SERPINH1: variants seen among roughly 807,000 people sequenced by gnomAD.
SERPINH1 encodes the protein serpin family H member 1.
Under a neutral mutation model 32.3 loss-of-function variants are expected in SERPINH1, and 22 were observed. That is an observed-to-expected ratio of 0.68 (90% CI 0.49 to 0.97). The LOEUF (loss-of-function observed/expected upper bound fraction) is 0.97, where lower values mean the gene tolerates loss of function less well. Among genes scored for constraint, SERPINH1 ranks in the 50% least tolerant of loss-of-function variants. The pLI is 0.00. For missense variants in SERPINH1, 543 were observed against 576.4 expected (o/e 0.94, Z 0.59); for synonymous variants, 251 against 245.9 (o/e 1.02, Z -0.19).
chr11:75,567,284 T>C (rs1942107800), intron 2 of SERPINH1, among the ~76,000 whole-genome samples: 1 of 152,260 alleles, frequency 6.6e-6, no homozygotes, highest in Non-Finnish European at 1.5e-5. Flanking sequence ...CCATTCTGCC[T>C]CAGTAGTGAG....
intron 1 of SERPINH1, chr11:75,563,886 A>T (rs1942027445): frequency 6.6e-6 from 1 of 152,338 alleles, no homozygotes; most frequent in Admixed American, 6.6e-5. Context: ...TGGCTAGGTG[A>T]TCTTGTATTT....
At position 75,572,509 on chromosome 11, in the gene SERPINH1, A is replaced by G. The variant is rs1331981815; in HGVS notation, c.*426A>G. On this transcript the variant is annotated 3_prime_UTR_variant, in exon 5 of 5. Transcript: ENST00000358171. ...AGCTCTATCCCAACCTCTCCCAACT[A>G]TAAAACTAGGTGCTGCAGCCCCTGG... is the stretch of plus-strand genomic sequence containing the variant. 1 of 255,122 alleles carries G rather than the reference A, an allele frequency of 3.9e-6. No individual in the cohort carries two copies. Among genetic ancestry groups the G allele is most frequent in the African/African-American group, 2.2e-5 (1 of 45,246 alleles). The allele number at this position is 255,122 out of a possible 1,614,324, so 15.8% of individuals were successfully genotyped here.
In SERPINH1 at chr11:75,566,344, C is replaced by G; in HGVS notation, c.-6C>G. 6.2e-7 allele frequency: 1 copy of G among 1,606,994 alleles called. No individual in the cohort carries two copies. On this transcript the variant is annotated 5_prime_UTR_variant, in exon 2 of 5. Coordinates refer to ENST00000358171, the MANE Select transcript of SERPINH1 (RefSeq NM_001235.5). ...CACCGTGGTGCACGCAAACCACTTC[C>G]TGGCCATGCGCTCCCTCCTGCTTCT...
chr11:75,567,060 A>C, intron 2 of SERPINH1, 89 bp downstream of exon 2: 1 of 1,400,428 alleles, frequency 7.1e-7, no homozygotes, highest in South Asian at 1.4e-5. Flanking sequence ...TCCATTCTTC[A>C]CTGCCTCTCA....
chr11:75,562,491 G>C (rs1592196620), intron 1 of SERPINH1, 172 bp downstream of exon 1: 2 of 152,246 alleles, frequency 1.3e-5, no homozygotes, highest in East Asian at 3.9e-4. Context: ...GTTTGGAATC[G>C]AGAGCCCAGG....
At position 75,572,157 on chromosome 11, in the gene SERPINH1, G is replaced by A. The variant is rs116470636; in HGVS notation, c.*74G>A. On this transcript the variant is annotated 3_prime_UTR_variant, in exon 5 of 5. Coordinates refer to ENST00000358171, the MANE Select transcript of SERPINH1 (RefSeq NM_001235.5). ...GACACATGGGTGCTATTGGGGTTGG[G>A]GGGGAGGTGAGGTACCAGCCTTGGA... 2.3e-4 allele frequency: 341 copies of A among 1,480,452 alleles called. 2 individuals carry two copies. In the African/African-American group the frequency reaches 4.0e-3, roughly 17 times the overall value. The allele number at this position is 1,480,452 out of a possible 1,614,324, so 91.7% of individuals were successfully genotyped here.
Position 75,569,135 on chromosome 11 carries a change from G to A in SERPINH1, c.918G>A (p.Leu306=). Residue 306 remains leucine (L), a synonymous_variant, in exon 4 of 5, where the codon TTG becomes TTA. Coordinates refer to ENST00000358171, the MANE Select transcript of SERPINH1 (RefSeq NM_001235.5). Reference sequence around the variant, plus strand: ...AGAAGAAGGCTGTTGCCATCTCCTTGCCCAAGGGTGTGGTGGAGGTGACCC... The same window carrying A: ...AGAAGAAGGCTGTTGCCATCTCCTTACCCAAGGGTGTGGTGGAGGTGACCC... The part of the protein sequence containing the change: ...KMQKKAVAIS[L]PKGVVEVTHD... 1.9e-6 allele frequency: 3 copies of A among 1,613,324 alleles called. No homozygotes were observed. The highest frequency in any genetic ancestry group is 2.5e-6 in the Non-Finnish European group (3 of 1,179,602).
At chr11:75,570,398 C>T (rs1332181409) in intron 4 of SERPINH1, among the ~76,000 whole-genome samples, 1 of 152,176 alleles carries the variant, frequency 6.6e-6, no homozygotes, top group Non-Finnish European at 1.5e-5. Flanking sequence ...TCTCCTGGTC[C>T]TGGCCCTGAT....
At chr11:75,567,833 A>T (rs2135553366) in intron 2 of SERPINH1, 1 of 152,376 alleles carries the variant, frequency 6.6e-6, no homozygotes, top group Admixed American at 6.5e-5. Context: ...AGAATGAAGT[A>T]ACCCTCGTTT....
intron 1 of SERPINH1, chr11:75,562,865 A>G (rs1460390307): frequency 6.6e-6 from 1 of 152,138 alleles, no homozygotes; most frequent in African/African-American, 2.4e-5. Flanking sequence ...AAAGGAGGTG[A>G]AATCGTCTCG....
chr11:75,569,281 A>C (rs1942156540), intron 4 of SERPINH1, 110 bp downstream of exon 4: 2 of 782,588 alleles, frequency 2.6e-6, no homozygotes, highest in Non-Finnish European at 4.3e-6. Context: ...CTGGATGTCC[A>C]GGCAGTGCTG....
rs1942215594 is a variant in SERPINH1, at chr11:75,572,429, G to C, written c.*346G>C. On this transcript the variant is annotated 3_prime_UTR_variant, in exon 5 of 5. Coordinates refer to ENST00000358171, the MANE Select transcript of SERPINH1 (RefSeq NM_001235.5). The stretch of plus-strand genomic sequence containing the variant: ...CTTCTCACCTGTGAGACCAAATTGA[G>C]CTAGGGGGGTCAGCCAGCCCTCTTC... 1 of 372,088 alleles carries C rather than the reference G, an allele frequency of 2.7e-6. No homozygotes were observed. The highest frequency in any genetic ancestry group is 5.2e-6 in the Non-Finnish European group (1 of 193,332). The allele number at this position is 372,088 out of a possible 1,614,324, so 23.0% of individuals were successfully genotyped here.
rs1942213593 is a variant in SERPINH1 at position 75,572,320 on chromosome 11, G to A, written c.*237G>A. The A allele has an allele frequency of 6.8e-6, 4 of 591,860 alleles. No homozygotes were observed. In the South Asian group the frequency reaches 7.7e-5, roughly 11 times the overall value. The allele number at this position is 591,860 out of a possible 1,614,324, so 36.7% of individuals were successfully genotyped here. A position where few individuals can be genotyped will look rare whatever the true frequency, so the allele number is the denominator to read the frequency against. ...AGCCCGGAAACTCCACATCCTGTGG[G>A]ACCTGGGCCATAGTCATTCTGCCTG... On this transcript the variant is annotated 3_prime_UTR_variant, in exon 5 of 5. Transcript: ENST00000358171.
Position 75,571,998 on chromosome 11 carries a change from T to C in SERPINH1, c.1172T>C (p.Leu391Pro), listed in dbSNP as rs1251965369. ...TACGCCGACCACCCCTTCATCTTCC[T>C]AGTGCGGGACACCCAAAGCGGCTCC... ...LFYADHPFIF[L>P]VRDTQSGSLL... The change falls in exon 5 of 5, where the codon CTA becomes CCA. Residue 391 changes from leucine (L) to proline (P), a missense_variant. Leu to Pro is a moderately conservative substitution (Grantham distance 98). This residue lies in a region of SERPINH1 where 427 missense variants were observed against 446.4 expected (regional missense o/e 0.96). Coordinates refer to ENST00000358171, the MANE Select transcript of SERPINH1 (RefSeq NM_001235.5). The C allele has an allele frequency of 1.2e-6, 2 of 1,614,066 alleles. No individual in the cohort carries two copies. Among genetic ancestry groups the C allele is most frequent in the African/African-American group, 1.3e-5 (1 of 74,932 alleles).
In SERPINH1 at chr11:75,571,765, C is replaced by T. The variant is rs1457766589; in HGVS notation, c.955-16C>T. The T allele has an allele frequency of 1.2e-6, 2 of 1,612,536 alleles. No individual in the cohort carries two copies. The highest frequency in any genetic ancestry group is 1.1e-5 in the South Asian group (1 of 91,078). ...GCAGCCATGGCCTCACCTGGCACAC[C>T]TCCTTGTTCCCACAGAAACACCTGG... On this transcript the variant is annotated splice_polypyrimidine_tract_variant and intron_variant, in intron 4 of 4. Coordinates refer to ENST00000358171, the MANE Select transcript of SERPINH1 (RefSeq NM_001235.5).
chr11:75,562,973 T>A (rs1325370476), intron 1 of SERPINH1: 1 of 152,230 alleles, frequency 6.6e-6, no homozygotes, highest in Admixed American at 6.5e-5. Context: ...AAGGAAAGAC[T>A]TGGCCAGCGA....
intron 4 of SERPINH1, 110 bp from the exon 5 acceptor site, chr11:75,571,671 G>A (rs1942196122): frequency 1.4e-5 from 13 of 947,768 alleles, no homozygotes; most frequent in Non-Finnish European, 2.2e-5. Flanking sequence ...TGACCAGGGG[G>A]TGGTTCTCTC....
Position 75,571,807 on chromosome 11 carries a change from T to C in SERPINH1, c.981T>C (p.Thr327=). The change falls in exon 5 of 5, where the codon ACT becomes ACC. Residue 327 remains threonine (T), a synonymous_variant. Transcript: ENST00000358171. The stretch of plus-strand genomic sequence containing the variant: ...AACACCTGGCTGGGCTGGGCCTGAC[T>C]GAGGCCATTGACAAGAACAAGGCCG... ...LQKHLAGLGL[T]EAIDKNKADL... 6.2e-7 allele frequency: 1 copy of C among 1,614,018 alleles called. No homozygotes were observed. The highest frequency in any genetic ancestry group is 1.1e-5 in the South Asian group (1 of 91,084).
intron 1 of SERPINH1, chr11:75,563,552 C>T (rs899809281): frequency 1.3e-5 from 2 of 152,562 alleles, no homozygotes; most frequent in South Asian, 2.1e-4. Context: ...CTGTTTATCC[C>T]GAGGGACCTG....
Sources: gnomAD v4.1 joint callset for allele counts (sites outside exome capture counted in the v4.1 genomes callset) on GRCh38, gnomAD v4.1.1 for gene constraint, gnomAD v4.1.1 regional missense constraint, MANE v1.5 for transcripts, NCBI Gene and HGNC (gene_info 2026-07-23, HGNC 2026-07-21) for gene names.